KLHL5: variants seen among roughly 807,000 people sequenced by gnomAD.
KLHL5 encodes kelch like family member 5.
A neutral mutation model predicts 77.7 loss-of-function variants in KLHL5; 48 were observed. The ratio of observed to expected loss-of-function variants is 0.62; its 90% CI spans 0.49 to 0.79. The LOEUF (loss-of-function observed/expected upper bound fraction) is 0.79. Ranked by LOEUF, KLHL5 falls within the 30% of genes least tolerant of loss-of-function variation. The pLI is 0.00. For missense variants in KLHL5, 723 were observed against 859.7 expected (o/e 0.84, Z 1.99); for synonymous variants, 260 against 297.0 (o/e 0.88, Z 1.28).
downstream of KLHL5, among the ~76,000 whole-genome samples, chr4:39,128,137 GC>G (rs1363693463): frequency 1.3e-5 from 2 of 152,114 alleles, no homozygotes; most frequent in African/African-American, 4.8e-5. Flanking sequence ...GTTCCTTAAG[GC>G]CACATATGGC....
At chr4:39,120,535 T>G (rs971060969) in intron 10 of KLHL5, among the ~76,000 whole-genome samples, 1 of 152,174 alleles carries the variant, frequency 6.6e-6, no homozygotes, top group African/African-American at 2.4e-5. Flanking sequence ...AAATGTGAGG[T>G]TATGAGTTCT....
At position 39,096,748 on chromosome 4, in the gene KLHL5, A is replaced by T. The variant is rs1182451523; in HGVS notation, c.1170A>T (p.Lys390Asn). Residue 390 changes from lysine (K) to asparagine (N), a missense_variant, in exon 6 of 11, where the codon AAA (lysine) becomes AAT (asparagine). This residue lies in a region of KLHL5 where 288 missense variants were observed against 400.3 expected (regional missense o/e 0.72). Transcript: ENST00000504108. The part of the protein sequence containing the change: ...VLFRDDIECQ[K>N]LIMEAMKYHL... ...TTCGGGATGATATAGAATGTCAGAA[A>T]CTCATTATGGAAGCAATGAAGTACC... 1 of 1,613,280 alleles carries T rather than the reference A, an allele frequency of 6.2e-7. No homozygotes were observed.
At chr4:39,087,208 G>C (rs1267089079) in intron 5 of KLHL5, among the ~76,000 whole-genome samples, 1 of 152,130 alleles carries the variant, frequency 6.6e-6, no homozygotes, top group African/African-American at 2.4e-5. Flanking sequence ...GCTGTGCCCG[G>C]CCTCAATTAA....
At chr4:39,047,288 C>T (rs1454805157) in intron 1 of KLHL5, among the ~76,000 whole-genome samples, 1 of 152,100 alleles carries the variant, frequency 6.6e-6, no homozygotes. Context: ...AGTGGTGCCA[C>T]GTACCTGTAG....
rs1440934957 is a variant in KLHL5, at chr4:39,062,728, T to A, written c.76T>A (p.Ser26Thr). 1.2e-6 allele frequency: 2 copies of A among 1,614,120 alleles called. No homozygotes were observed. The highest frequency in any genetic ancestry group is 1.7e-6 in the Non-Finnish European group (2 of 1,179,990). ...IRWRWFGHQA[S>T]SPNSTVDSQQ... Reference sequence around the variant, plus strand: ...ATGGAGGTGGTTTGGTCATCAAGCATCATCTCCTAATTCTACAGTTGACAG... The same window carrying A: ...ATGGAGGTGGTTTGGTCATCAAGCAACATCTCCTAATTCTACAGTTGACAG... Residue 26 changes from serine to threonine, a missense_variant, in exon 1 of 11, where the codon TCA (serine) becomes ACA (threonine). Ser to Thr is a moderately conservative substitution (Grantham distance 58). Around this residue, in one of 3 missense-constraint regions of KLHL5, gnomAD observed 221 missense variants for 222.1 expected, o/e 1.00. Transcript: ENST00000504108.
intron 1 of KLHL5, among the ~76,000 whole-genome samples, chr4:39,074,171 A>G (rs1718782161): frequency 6.6e-6 from 1 of 152,196 alleles, no homozygotes; most frequent in Non-Finnish European, 1.5e-5. Flanking sequence ...TTCATAGTGT[A>G]CAACACATCC....
downstream of KLHL5, among the ~76,000 whole-genome samples, chr4:39,128,747 G>C (rs182126349): frequency 1.1e-3 from 166 of 152,234 alleles, 3 homozygotes; most frequent in East Asian, 0.027. Flanking sequence ...AGGATCACTT[G>C]AGGCCAGGAG....
intron 2 of KLHL5, among the ~76,000 whole-genome samples, chr4:39,077,540 C>T (rs574194208): frequency 6.6e-6 from 1 of 151,992 alleles, no homozygotes; most frequent in African/African-American, 2.4e-5. Context: ...TACCACCTTA[C>T]TCTTGCAAGA....
chr4:39,103,821 A>AT (rs1207936153), intron 7 of KLHL5, among the ~76,000 whole-genome samples: 82 of 121,974 alleles, frequency 6.7e-4, no homozygotes, highest in African/African-American at 1.7e-3. Context: ...TAGCTGGGAA[A>AT]TTTTTTTTTT....
At chr4:39,071,289 A>G (rs1464534671) in intron 1 of KLHL5, among the ~76,000 whole-genome samples, 3 of 152,182 alleles carry the variant, frequency 2.0e-5, no homozygotes, top group Non-Finnish European at 4.4e-5. Context: ...GAATGCCACA[A>G]ACTAGGAGTA....
chr4:39,135,651 C>G, the KLHL5 span: 2,868 of 152,374 alleles, frequency 0.019, 77 homozygotes, highest in African/African-American at 0.064. Context: ...TGCCTGTAAT[C>G]CTAGCACTTT....
At chr4:39,120,329 A>G (rs1723125889) in intron 10 of KLHL5, 1 of 152,216 alleles carries the variant, frequency 6.6e-6, no homozygotes, top group African/African-American at 2.4e-5. Flanking sequence ...ATTGTTCTTT[A>G]TCCATAAATT....
intron 1 of KLHL5, among the ~76,000 whole-genome samples, chr4:39,073,781 A>T (rs1718722183): frequency 6.6e-6 from 1 of 151,736 alleles, no homozygotes; most frequent in Non-Finnish European, 1.5e-5. Flanking sequence ...AGTAGCTGGG[A>T]CTACAGGCGT....
upstream of KLHL5, among the ~76,000 whole-genome samples, chr4:39,060,048 C>T (rs1717283370): frequency 6.6e-6 from 1 of 151,954 alleles, no homozygotes; most frequent in Admixed American, 6.6e-5. Context: ...ACCTGAATGC[C>T]CATTAGCAGG....
intron 1 of KLHL5, among the ~76,000 whole-genome samples, chr4:39,065,422 C>T (rs1717805160): frequency 6.7e-6 from 1 of 148,218 alleles, no homozygotes; most frequent in Non-Finnish European, 1.5e-5. Context: ...GTGGCGTGAT[C>T]TCGGCTTACT....
chr4:39,069,465 TATATATATACACACAC>T (rs1718236320), intron 1 of KLHL5, among the ~76,000 whole-genome samples: 2 of 59,626 alleles, frequency 3.4e-5, no homozygotes, highest in African/African-American at 5.3e-5. Context: ...TATATATATA[TATATATATACACACAC>T]ACACACACAC....
chr4:39,063,492 T>C, intron 1 of KLHL5: 1 of 404,072 alleles, frequency 2.5e-6, no homozygotes. Context: ...CACATTATAG[T>C]CACCAATTTT....
At chr4:39,096,660 A>G in intron 5 of KLHL5, 32 bp from the exon 6 acceptor site, 7 of 1,452,958 alleles carry the variant, frequency 4.8e-6, no homozygotes, top group Non-Finnish European at 6.6e-6. Flanking sequence ...TTTCTTAGTC[A>G]TTCAGTATAC....
At chr4:39,140,123 G>T in the KLHL5 span, among the ~76,000 whole-genome samples, 4 of 152,098 alleles carry the variant, frequency 2.6e-5, no homozygotes, top group East Asian at 1.9e-4. Flanking sequence ...GCTACTTGGG[G>T]GGGGCTGGGG....
Sources: gnomAD v4.1 joint callset for allele counts (sites outside exome capture counted in the v4.1 genomes callset) on GRCh38, gnomAD v4.1.1 for gene constraint, gnomAD v4.1.1 regional missense constraint, MANE v1.5 for transcripts, NCBI Gene and HGNC (gene_info 2026-07-23, HGNC 2026-07-21) for gene names.